The following MAP2K4 variants were observed in gnomAD, a reference collection of about 807,000 sequenced individuals.
The protein encoded by MAP2K4 is dual specificity mitogen-activated protein kinase kinase 4.
MAP2K4 carries 4 observed loss-of-function variants against 48.5 expected under a neutral mutation model. The ratio of observed to expected loss-of-function variants is 0.08; its 90% confidence interval spans 0.04 to 0.19. The LOEUF (loss-of-function observed/expected upper bound fraction) is 0.19. MAP2K4 is among the 10% of genes least tolerant of loss of function. MAP2K4 has a pLI of 1.00. For synonymous variants in MAP2K4, 166 were observed against 173.1 expected, an observed-to-expected ratio of 0.96 and a Z score of 0.32; for missense variants, 258 against 493.3, an observed-to-expected ratio of 0.52 and a Z score of 4.52.
chr17:12,021,047 A>G, intron 1 of MAP2K4, 46 bp downstream of exon 1: 1 of 1,134,692 alleles, frequency 8.8e-7, no homozygotes, highest in Middle Eastern at 3.4e-4. Context: ...TAGCGCGGCA[A>G]CCCGCGTCGT....
At chr17:12,035,976 ATG>A (rs199762097) in intron 1 of MAP2K4, among the ~76,000 whole-genome samples, 98 of 151,584 alleles carry the variant, frequency 6.5e-4, no homozygotes, top group African/African-American at 1.1e-3. Flanking sequence ...TTTATTGGAG[ATG>A]TGTGTGTGTG....
chr17:12,055,939 T>A (rs149852778), intron 2 of MAP2K4, among the ~76,000 whole-genome samples: 1 of 152,220 alleles, frequency 6.6e-6, no homozygotes, highest in African/African-American at 2.4e-5. Context: ...TAGACTGGTG[T>A]TCATAATCAC....
chr17:12,113,176 C>T (rs1050032729), intron 6 of MAP2K4, 57 bp from the exon 7 acceptor site: 2 of 1,551,950 alleles, frequency 1.3e-6, no homozygotes, highest in African/African-American at 1.4e-5. Flanking sequence ...TAAAGTGAAG[C>T]CTTATGTAAC....
At chr17:12,047,690 A>G (rs573495740) in intron 1 of MAP2K4, among the ~76,000 whole-genome samples, 55 of 152,298 alleles carry the variant, frequency 3.6e-4, no homozygotes, top group African/African-American at 1.3e-3. Context: ...TCAAACAAAC[A>G]TTTTCCAGTT....
chr17:12,081,643 A>G lies in MAP2K4; in HGVS notation c.393+113A>G. The G allele has an allele frequency of 9.1e-7, 1 of 1,101,030 alleles. No homozygotes were observed. Among genetic ancestry groups the G allele is most frequent in the Non-Finnish European group, 1.3e-6 (1 of 768,268 alleles). 68.2% of individuals were successfully genotyped at this position (1,101,030 alleles called of 1,614,324 possible). On this transcript the variant is annotated intron_variant, in intron 3 of 10. Transcript: ENST00000353533. This position sits in a 1 kb window ranked among gnomAD's most constrained non-coding sequence, Gnocchi z 4.2. Reference sequence around the variant, plus strand: ...TTTTGTGGTAAATGTGGGTGTTTAAAAAATTGTTTCTCCAACTCCTTTGAG... The same window carrying G: ...TTTTGTGGTAAATGTGGGTGTTTAAGAAATTGTTTCTCCAACTCCTTTGAG...
chr17:12,067,700 A>C (rs1279643088), intron 2 of MAP2K4, among the ~76,000 whole-genome samples: 1 of 152,214 alleles, frequency 6.6e-6, no homozygotes, highest in Non-Finnish European at 1.5e-5. Flanking sequence ...TTTGGGAGCA[A>C]GTCATAGTTG....
intron 2 of MAP2K4, among the ~76,000 whole-genome samples, chr17:12,071,715 C>G (rs929951135): frequency 4.6e-5 from 7 of 152,040 alleles, no homozygotes; most frequent in African/African-American, 1.7e-4. Flanking sequence ...ATATATGATT[C>G]AAAAGAAGTA....
intron 1 of MAP2K4, among the ~76,000 whole-genome samples, chr17:12,029,431 C>G (rs1969361933): frequency 6.6e-6 from 1 of 152,146 alleles, no homozygotes; most frequent in Non-Finnish European, 1.5e-5. Flanking sequence ...TTTACCCCTA[C>G]TTGTAATGGG....
chr17:12,077,662 C>A (rs1228232417), intron 2 of MAP2K4, among the ~76,000 whole-genome samples: 1 of 152,166 alleles, frequency 6.6e-6, no homozygotes, highest in Non-Finnish European at 1.5e-5. Context: ...GAAAAAGAGT[C>A]TTTTTTCCAA....
At chr17:12,119,425 C>T (rs1021769476) in intron 7 of MAP2K4, among the ~76,000 whole-genome samples, 2 of 152,120 alleles carry the variant, frequency 1.3e-5, no homozygotes, top group African/African-American at 4.8e-5. Context: ...AAATGCAAAT[C>T]AAAACCACAA....
chr17:12,104,520 G>C (rs535807606), intron 4 of MAP2K4, among the ~76,000 whole-genome samples: 24 of 151,988 alleles, frequency 1.6e-4, no homozygotes, highest in African/African-American at 5.3e-4. Context: ...GCATTTCCTT[G>C]ATTGGTGAGA....
intron 2 of MAP2K4, among the ~76,000 whole-genome samples, chr17:12,072,923 A>T (rs914717562): frequency 4.6e-5 from 7 of 152,238 alleles, no homozygotes; most frequent in Admixed American, 1.3e-4. Context: ...TAGCTAACAG[A>T]TCACAAATGA....
chr17:12,021,841 C>T lies in MAP2K4; in HGVS notation c.115+840C>T, dbSNP rs115157030. The stretch of plus-strand genomic sequence containing the variant: ...TGTAGTGTCTGGACATTTGAGGCAG[C>T]TCTGCTAATTAATGACTTTCCCCAC... On this transcript the variant is annotated intron_variant, in intron 1 of 10. Transcript: ENST00000353533. Among the ~76,000 whole-genome samples, 1,338 of 152,116 alleles carry T rather than the reference C, an allele frequency of 8.8e-3. 17 individuals are homozygous for T. Among genetic ancestry groups the T allele is most frequent in the African/African-American group, 0.029 (1,213 of 41,500 alleles).
At chr17:12,094,649 A>C (rs904634408) in intron 3 of MAP2K4, among the ~76,000 whole-genome samples, 6 of 152,218 alleles carry the variant, frequency 3.9e-5, no homozygotes, top group Middle Eastern at 3.4e-3. Context: ...ATTTTTTTAT[A>C]ATTTCTGAAC....
At chr17:12,133,402 A>C (rs1385349196) in intron 9 of MAP2K4, among the ~76,000 whole-genome samples, 1 of 152,068 alleles carries the variant, frequency 6.6e-6, no homozygotes, top group Non-Finnish European at 1.5e-5. Context: ...ATTACTTCTG[A>C]TTTTCCCCAG....
intron 2 of MAP2K4, among the ~76,000 whole-genome samples, chr17:12,061,896 GT>G (rs138518335): frequency 2.0e-5 from 3 of 150,582 alleles, no homozygotes; most frequent in African/African-American, 7.3e-5. Context: ...TTTTCAGTGT[GT>G]TTTTTTTTAA....
intron 7 of MAP2K4, among the ~76,000 whole-genome samples, chr17:12,118,850 T>C (rs1972584151): frequency 6.6e-6 from 1 of 152,156 alleles, no homozygotes; most frequent in Admixed American, 6.5e-5. Flanking sequence ...TGGCATAACC[T>C]CTGGCCTGTG....
At chr17:12,038,167 G>A (rs1002204717) in intron 1 of MAP2K4, among the ~76,000 whole-genome samples, 8 of 152,108 alleles carry the variant, frequency 5.3e-5, no homozygotes, top group African/African-American at 1.7e-4. Flanking sequence ...GATATGGAAC[G>A]TTTCCAGAGA....
At chr17:12,037,348 GT>G (rs1199538767) in intron 1 of MAP2K4, among the ~76,000 whole-genome samples, 1 of 152,174 alleles carries the variant, frequency 6.6e-6, no homozygotes, top group Admixed American at 6.5e-5. Context: ...CTGCTAAGAA[GT>G]GTCTGTAAAT....
Sources: allele counts gnomAD v4.1 joint callset (sites outside exome capture counted in the v4.1 genomes callset), GRCh38; gene constraint gnomAD v4.1.1; non-coding constraint Gnocchi (gnomAD v3.1); transcripts MANE v1.5; gene names NCBI Gene and HGNC (gene_info 2026-07-23, HGNC 2026-07-21).